Variants in PCDH15 observed in about 807,000 individuals in gnomAD.
The protein encoded by PCDH15 is protocadherin-15.
A neutral mutation model predicts 178.5 loss-of-function variants in PCDH15; 129 were observed. The observed-to-expected ratio is 0.72, with a 90% CI of 0.63 to 0.84. The LOEUF is 0.84. Ranked by LOEUF, PCDH15 falls within the 40% of genes least tolerant of loss-of-function variation. The probability of loss-of-function intolerance (pLI) is 0.00; values close to 1 mark genes in which losing one functional copy is unlikely to be tolerated. For synonymous variants in PCDH15, 800 were observed against 732.0 expected (o/e 1.09, Z -1.50); for missense variants, 2,230 against 2,099.9 (o/e 1.06, Z -1.21).
intron 2 of PCDH15, among the ~76,000 whole-genome samples, chr10:55,465,262 G>A (rs899967326): frequency 6.6e-6 from 1 of 152,150 alleles, no homozygotes; most frequent in African/African-American, 2.4e-5. Context: ...AAAACAGTAT[G>A]GAGGCAGTAT....
At chr10:54,298,906 T>C (rs1172328032) in intron 8 of PCDH15, among the ~76,000 whole-genome samples, 3 of 152,222 alleles carry the variant, frequency 2.0e-5, no homozygotes, top group South Asian at 2.1e-4. Flanking sequence ...TTGCTACAGA[T>C]AGTAAGTATG....
intron 3 of PCDH15, among the ~76,000 whole-genome samples, chr10:54,863,356 C>A (rs1381275773): frequency 1.3e-5 from 2 of 152,070 alleles, no homozygotes. Flanking sequence ...TCCTGGCTAA[C>A]AAGGTGAAAC....
intron 3 of PCDH15, among the ~76,000 whole-genome samples, chr10:54,511,647 T>C (rs1437435318): frequency 1.3e-5 from 2 of 152,166 alleles, no homozygotes; most frequent in South Asian, 2.1e-4. Context: ...ATTTGGAAAA[T>C]AGTCTTTGAA....
intron 25 of PCDH15, among the ~76,000 whole-genome samples, chr10:53,930,767 A>G (rs2084989939): frequency 6.6e-6 from 1 of 151,610 alleles, no homozygotes; most frequent in African/African-American, 2.4e-5. Flanking sequence ...TACTACATAA[A>G]CCCCCTAGCT....
At chr10:55,617,161 T>G (rs1388588770) in intron 2 of PCDH15, among the ~76,000 whole-genome samples, 1 of 152,016 alleles carries the variant, frequency 6.6e-6, no homozygotes, top group Non-Finnish European at 1.5e-5. Flanking sequence ...AAAACAGAAC[T>G]TTCTTTTTCT....
At chr10:54,322,328 A>G (rs1333360431) in intron 7 of PCDH15, among the ~76,000 whole-genome samples, 1 of 151,736 alleles carries the variant, frequency 6.6e-6, no homozygotes, top group Non-Finnish European at 1.5e-5. Context: ...TCCCTTTCCC[A>G]TTTTCATCTG....
At chr10:54,947,386 G>A (rs974553959) in intron 2 of PCDH15, among the ~76,000 whole-genome samples, 1 of 151,884 alleles carries the variant, frequency 6.6e-6, no homozygotes, top group Non-Finnish European at 1.5e-5. Context: ...GTTTATGCCT[G>A]TTCTTCCTAT....
chr10:54,512,039 A>C (rs1393278405), intron 3 of PCDH15, among the ~76,000 whole-genome samples: 13 of 152,256 alleles, frequency 8.5e-5, no homozygotes, highest in Non-Finnish European at 1.8e-4. Flanking sequence ...TCAAATTCCA[A>C]GTTGACATTT....
intron 1 of PCDH15, among the ~76,000 whole-genome samples, chr10:55,231,649 AT>A (rs1218381477): frequency 1.3e-5 from 2 of 152,014 alleles, no homozygotes; most frequent in African/African-American, 4.8e-5. Flanking sequence ...GCATGATCAA[AT>A]TTGTTTTTAG....
chr10:55,184,634 A>G (rs1357511830), intron 1 of PCDH15, among the ~76,000 whole-genome samples: 1 of 152,024 alleles, frequency 6.6e-6, no homozygotes, highest in African/African-American at 2.4e-5. Flanking sequence ...AATTTTACAA[A>G]TAAGTAGCTA....
chr10:54,248,561 C>T (rs1407941811), intron 8 of PCDH15, among the ~76,000 whole-genome samples: 1 of 151,950 alleles, frequency 6.6e-6, no homozygotes, highest in Non-Finnish European at 1.5e-5. Flanking sequence ...CTACTAACTG[C>T]TCAAGCAGTA....
At chr10:55,531,498 A>G (rs1223314312) in intron 2 of PCDH15, among the ~76,000 whole-genome samples, 2 of 152,028 alleles carry the variant, frequency 1.3e-5, no homozygotes, top group African/African-American at 4.8e-5. Flanking sequence ...TGGAAGCAGA[A>G]CCCCAAGATA....
intron 2 of PCDH15, among the ~76,000 whole-genome samples, chr10:54,612,324 T>G (rs1428217527): frequency 6.6e-6 from 1 of 151,844 alleles, no homozygotes; most frequent in East Asian, 1.9e-4. Context: ...GAATTAACAA[T>G]TGGCACTACA....
At chr10:54,127,400 C>A (rs984427568) in intron 15 of PCDH15, among the ~76,000 whole-genome samples, 1 of 152,206 alleles carries the variant, frequency 6.6e-6, no homozygotes, top group Admixed American at 6.5e-5. Flanking sequence ...TCTTTTCAAT[C>A]AGGCACACAC....
intron 26 of PCDH15, among the ~76,000 whole-genome samples, chr10:53,867,772 AT>A (rs1379941009): frequency 1.3e-5 from 2 of 152,124 alleles, no homozygotes; most frequent in Non-Finnish European, 2.9e-5. Flanking sequence ...ATGAAATAAA[AT>A]AAAGTTGAGT....
chr10:54,008,470 G>A (rs573776060), intron 20 of PCDH15, among the ~76,000 whole-genome samples: 3 of 152,152 alleles, frequency 2.0e-5, no homozygotes, highest in East Asian at 1.9e-4. Context: ...ACAGAATGAG[G>A]GTTACTTAGG....
At chr10:53,911,929 C>G (rs758029112) in intron 25 of PCDH15, among the ~76,000 whole-genome samples, 35 of 152,142 alleles carry the variant, frequency 2.3e-4, no homozygotes, top group Non-Finnish European at 4.3e-4. Flanking sequence ...AGAGGGAATC[C>G]TCCCTAACTC....
At chr10:53,986,092 T>C (rs1234159652) in intron 21 of PCDH15, among the ~76,000 whole-genome samples, 1 of 151,984 alleles carries the variant, frequency 6.6e-6, no homozygotes, top group Admixed American at 6.6e-5. Flanking sequence ...AAGCAGATCC[T>C]TAGAACAATA....
chr10:54,186,780 C>A (rs1564631613), intron 11 of PCDH15, among the ~76,000 whole-genome samples: 3 of 151,904 alleles, frequency 2.0e-5, no homozygotes, highest in Non-Finnish European at 2.9e-5. Context: ...AACCCAATTA[C>A]TCAGATAACT....
Sources: gnomAD v4.1 joint callset for allele counts (sites outside exome capture counted in the v4.1 genomes callset) on GRCh38, gnomAD v4.1.1 for gene constraint, MANE v1.5 for transcripts, NCBI Gene and HGNC (gene_info 2026-07-23, HGNC 2026-07-21) for gene names.